The following PIGK variants were observed in gnomAD, a reference collection of about 807,000 sequenced individuals.
PIGK encodes the protein phosphatidylinositol glycan anchor biosynthesis class K.
A neutral mutation model predicts 50.6 loss-of-function variants in PIGK; 42 were observed. The ratio of observed to expected loss-of-function variants is 0.83; its 90% CI spans 0.65 to 1.07. PIGK has a LOEUF of 1.07. Ranked by LOEUF, PIGK falls within the 50% of genes least tolerant of loss-of-function variation. The pLI is 0.00. For synonymous variants in PIGK, 151 were observed against 156.0 expected (o/e 0.97, Z 0.24); for missense variants, 448 against 488.7 (o/e 0.92, Z 0.78).
At chr1:77,206,522 C>G (rs1656290229) in intron 3 of PIGK, 118 bp downstream of exon 3, 1 of 642,986 alleles carries the variant, frequency 1.6e-6, no homozygotes, top group Admixed American at 2.6e-5. Flanking sequence ...AAAAAATCTT[C>G]AAATCAGATT....
chr1:77,214,543 T>C (rs1015752608), intron 1 of PIGK, among the ~76,000 whole-genome samples: 1 of 152,036 alleles, frequency 6.6e-6, no homozygotes, highest in Non-Finnish European at 1.5e-5. Flanking sequence ...ACATCCAACA[T>C]CATATTGAAC....
intron 3 of PIGK, among the ~76,000 whole-genome samples, chr1:77,188,644 C>A (rs1276918160): frequency 3.3e-5 from 5 of 152,134 alleles, no homozygotes; most frequent in Admixed American, 3.3e-4. Context: ...CCTATTCACA[C>A]CCTCCCTCCC....
chr1:77,134,047 T>C (rs1038542664), intron 9 of PIGK, among the ~76,000 whole-genome samples: 1 of 152,222 alleles, frequency 6.6e-6, no homozygotes, highest in Non-Finnish European at 1.5e-5. Context: ...CATTATAGTA[T>C]GAAAGCAGCC....
At chr1:77,189,446 C>T (rs1655832420) in intron 3 of PIGK, among the ~76,000 whole-genome samples, 1 of 151,906 alleles carries the variant, frequency 6.6e-6, no homozygotes, top group Non-Finnish European at 1.5e-5. Flanking sequence ...GGCAGACCCA[C>T]CTTTAACCTG....
At chr1:77,186,772 C>G (rs529432445) in intron 3 of PIGK, among the ~76,000 whole-genome samples, 1 of 152,274 alleles carries the variant, frequency 6.6e-6, no homozygotes, top group South Asian at 2.1e-4. Flanking sequence ...TTTCCACTCA[C>G]CAACGCTGAC....
intron 10 of PIGK, among the ~76,000 whole-genome samples, chr1:77,106,764 G>A (rs932062363): frequency 2.4e-4 from 36 of 151,384 alleles, no homozygotes; most frequent in African/African-American, 7.3e-4. Context: ...TATTTAGCAC[G>A]AGGAAAATGT....
chr1:77,212,751 G>C (rs575525205), intron 1 of PIGK, among the ~76,000 whole-genome samples: 1 of 152,072 alleles, frequency 6.6e-6, no homozygotes, highest in South Asian at 2.1e-4. Flanking sequence ...TTCAGCAAGA[G>C]AGCATACAAT....
chr1:77,118,111 ATG>A (rs1485790985), intron 10 of PIGK, among the ~76,000 whole-genome samples: 4 of 152,186 alleles, frequency 2.6e-5, no homozygotes, highest in Non-Finnish European at 5.9e-5. Flanking sequence ...CTTTTGAGGC[ATG>A]TCTGTGTGAG....
chr1:77,152,913 T>C (rs1297819533), intron 9 of PIGK, among the ~76,000 whole-genome samples: 1 of 152,062 alleles, frequency 6.6e-6, no homozygotes, highest in Non-Finnish European at 1.5e-5. Flanking sequence ...ACACTATTGG[T>C]GGGAATGCAA....
At chr1:77,176,515 G>C (rs1655493225) in intron 3 of PIGK, among the ~76,000 whole-genome samples, 1 of 152,136 alleles carries the variant, frequency 6.6e-6, no homozygotes, top group Non-Finnish European at 1.5e-5. Flanking sequence ...AATTGTCCTT[G>C]TCAGCTGTGT....
At position 77,206,679 on chromosome 1, in the gene PIGK, G is replaced by C; in HGVS notation, c.200C>G (p.Ser67Cys). 6.2e-7 allele frequency: 1 copy of C among 1,612,046 alleles called. No individual in the cohort carries two copies. The highest frequency in any genetic ancestry group is 2.2e-5 in the East Asian group (1 of 44,832). ...TAGCCTCTTGACACTTCTATAAACA[G>C]AAAGGGTATTTGCAACATGTCGATA... is the stretch of plus-strand genomic sequence containing the variant. ...FNYRHVANTL[S>C]VYRSVKRLGI... is the part of the protein sequence containing the mutation. Residue 67 changes from serine to cysteine, a missense_variant, in exon 3 of 11, where the codon TCT (serine) becomes TGT (cysteine). By Grantham distance (112) the Ser-to-Cys change is moderately radical. Coordinates refer to ENST00000370812, the MANE Select transcript of PIGK (RefSeq NM_005482.3).
At chr1:77,213,295 C>G (rs1223636324) in intron 1 of PIGK, among the ~76,000 whole-genome samples, 1 of 152,122 alleles carries the variant, frequency 6.6e-6, no homozygotes, top group Non-Finnish European at 1.5e-5. Context: ...TTCTCCAGGA[C>G]AGACTGACCA....
rs754306908 is a variant in PIGK, at chr1:77,166,837, G to A, written c.376-7C>T. On this transcript the variant is annotated splice_polypyrimidine_tract_variant and splice_region_variant and intron_variant, in intron 4 of 10. Transcript: ENST00000370812. ...AAAAATTCTCCACAGTTACCTAAGGGGGAAAAAACAAGAAAAATCAGATGA... is the reference window on the plus strand; with the variant it reads ...AAAAATTCTCCACAGTTACCTAAGGAGGAAAAAACAAGAAAAATCAGATGA... 9.2e-6 allele frequency: 12 copies of A among 1,309,242 alleles called. No homozygotes were observed. In the African/African-American group the frequency reaches 1.6e-4, roughly 18 times the overall value. The allele number at this position is 1,309,242 out of a possible 1,614,324, so 81.1% of individuals were successfully genotyped here. A position where few individuals can be genotyped will look rare whatever the true frequency, so the allele number is the denominator to read the frequency against.
chr1:77,174,706 C>T (rs911100803), intron 3 of PIGK, among the ~76,000 whole-genome samples: 15 of 152,202 alleles, frequency 9.9e-5, no homozygotes, highest in Middle Eastern at 3.4e-3. Flanking sequence ...GGCTGATTCC[C>T]CCTTTATGGG....
At chr1:77,206,964 C>T (rs906082100) in intron 2 of PIGK, among the ~76,000 whole-genome samples, 2 of 152,074 alleles carry the variant, frequency 1.3e-5, no homozygotes, top group African/African-American at 2.4e-5. Context: ...TCCAGGAGTT[C>T]GAGACCAGCC....
At chr1:77,135,657 T>G (rs1219338221) in intron 9 of PIGK, among the ~76,000 whole-genome samples, 1 of 152,066 alleles carries the variant, frequency 6.6e-6, no homozygotes, top group Non-Finnish European at 1.5e-5. Flanking sequence ...ATTTTTTAAT[T>G]TCACTTTTTC....
At chr1:77,187,919 A>G (rs1423225512) in intron 3 of PIGK, among the ~76,000 whole-genome samples, 1 of 152,210 alleles carries the variant, frequency 6.6e-6, no homozygotes, top group East Asian at 1.9e-4. Flanking sequence ...CTTTACTGCA[A>G]TCTCTAAACA....
intron 9 of PIGK, among the ~76,000 whole-genome samples, chr1:77,138,013 TA>T (rs1285140031): frequency 2.0e-5 from 3 of 152,224 alleles, no homozygotes. Flanking sequence ...TGTATTGTGG[TA>T]AGCAAAATTC....
chr1:77,170,951 T>C (rs1655345450), intron 3 of PIGK, among the ~76,000 whole-genome samples: 2 of 152,250 alleles, frequency 1.3e-5, no homozygotes, highest in Non-Finnish European at 2.9e-5. Context: ...GTTCCAACCC[T>C]GTCACGTTCA....
Sources: gnomAD v4.1 joint callset for allele counts (sites outside exome capture counted in the v4.1 genomes callset) on GRCh38, gnomAD v4.1.1 for gene constraint, MANE v1.5 for transcripts, NCBI Gene and HGNC (gene_info 2026-07-23, HGNC 2026-07-21) for gene names.